Variants in SWAP70 observed in about 807,000 individuals in gnomAD.
SWAP70 encodes switch-associated protein 70.
SWAP70 carries 34 observed loss-of-function variants against 80.2 expected under a neutral mutation model. That is an observed-to-expected ratio of 0.42 (90% CI 0.32 to 0.56). The LOEUF is 0.56. SWAP70 is among the 20% of genes least tolerant of loss of function. The probability of loss-of-function intolerance (pLI) is 0.09; values close to 1 mark genes in which losing one functional copy is unlikely to be tolerated. For synonymous variants in SWAP70, 239 were observed against 238.5 expected (o/e 1.00, Z -0.02); for missense variants, 578 against 690.7 (o/e 0.84, Z 1.83).
chr11:9,701,312 C>T (rs1407167963), intron 2 of SWAP70, among the ~76,000 whole-genome samples: 2 of 151,826 alleles, frequency 1.3e-5, no homozygotes, highest in Admixed American at 6.6e-5. Context: ...GCTGGGATTA[C>T]AGGTGCCTGC....
At chr11:9,725,547 ATATATATATATATATATATATAT>A (rs1400251999) in intron 4 of SWAP70, among the ~76,000 whole-genome samples, 52 of 10,066 alleles carry the variant, frequency 5.2e-3, no homozygotes, top group African/African-American at 0.013. Flanking sequence ...ATATATATAT[ATATATATATATATATATATATAT>A]TTTTTTTTTT....
intron 6 of SWAP70, 67 bp downstream of exon 6, chr11:9,729,518 A>G: frequency 1.6e-5 from 19 of 1,219,610 alleles, no homozygotes; most frequent in Non-Finnish European, 2.2e-5. Flanking sequence ...TTTTTTTCTG[A>G]GACGGAGTCT....
At chr11:9,710,654 T>C (rs2134471253) in intron 2 of SWAP70, among the ~76,000 whole-genome samples, 1 of 151,924 alleles carries the variant, frequency 6.6e-6, no homozygotes, top group Middle Eastern at 3.4e-3. Context: ...TTCCAGGATA[T>C]GGCTTTTTTT....
chr11:9,744,187 C>G (rs1441210951), intron 9 of SWAP70, among the ~76,000 whole-genome samples: 1 of 152,174 alleles, frequency 6.6e-6, no homozygotes, highest in Non-Finnish European at 1.5e-5. Flanking sequence ...TGGTCTTGAT[C>G]TCCTGACCTC....
chr11:9,688,285 TAC>T, intron 1 of SWAP70, among the ~76,000 whole-genome samples: 1 of 152,344 alleles, frequency 6.6e-6, no homozygotes, highest in East Asian at 1.9e-4. Context: ...TTCAGAAATG[TAC>T]AGTCTTACAG....
At position 9,694,367 on chromosome 11, in the gene SWAP70, G is replaced by A. The variant is rs375077229; in HGVS notation, c.240+81G>A. On this transcript the variant is annotated intron_variant, in intron 2 of 11. Transcript: ENST00000318950. Reference sequence around the variant, plus strand: ...GGGCCCAAAAGCCCCCTGTTGGTGAGTTCACTAAGGAGTTGAGGTACAAAG... The same window carrying A: ...GGGCCCAAAAGCCCCCTGTTGGTGAATTCACTAAGGAGTTGAGGTACAAAG... 35 of 1,415,366 alleles carry A rather than the reference G, an allele frequency of 2.5e-5. No homozygotes were observed. In the South Asian group the frequency reaches 2.8e-4, roughly 11 times the overall value. The allele number at this position is 1,415,366 out of a possible 1,614,324, so 87.7% of individuals were successfully genotyped here.
At position 9,710,236 on chromosome 11, in the gene SWAP70, A is replaced by G. The variant is rs577468092; in HGVS notation, c.241-3230A>G. 4.3e-4 allele frequency among the ~76,000 whole-genome samples: 66 copies of G among 152,340 alleles called. 1 individual carries two copies. In the Middle Eastern group the frequency reaches 0.01, roughly 24 times the overall value. On this transcript the variant is annotated intron_variant, in intron 2 of 11. Transcript: ENST00000318950. ...GGGCAATAATTAACCTTATAGGACT[A>G]ATACAAAATTTAAGTGAGAAATAAC...
chr11:9,745,385 A>G (rs378825), intron 9 of SWAP70, among the ~76,000 whole-genome samples: 85,081 of 152,064 alleles, frequency 0.56, 24,080 homozygotes, highest in Middle Eastern at 0.76. Flanking sequence ...AATGTGTGGA[A>G]TGTAAAAATA....
At chr11:9,692,689 CTT>C (rs1328969053) in intron 1 of SWAP70, among the ~76,000 whole-genome samples, 1 of 152,026 alleles carries the variant, frequency 6.6e-6, no homozygotes, top group Non-Finnish European at 1.5e-5. Flanking sequence ...TTATTAAGCT[CTT>C]TATATTCTTG....
At chr11:9,731,351 C>T (rs1290445991) in intron 6 of SWAP70, among the ~76,000 whole-genome samples, 1 of 152,144 alleles carries the variant, frequency 6.6e-6, no homozygotes, top group Non-Finnish European at 1.5e-5. Context: ...TCCTGGGTCT[C>T]TTGGGTTGAG....
chr11:9,749,787 A>G (rs568163048), intron 11 of SWAP70, 77 bp from the exon 12 acceptor site: 219 of 896,764 alleles, frequency 2.4e-4, no homozygotes, highest in Non-Finnish European at 3.8e-4. Flanking sequence ...GGAAGTTACT[A>G]TTTTGTCTGT....
intron 11 of SWAP70, 24 bp downstream of exon 11, chr11:9,749,207 A>T (rs757984018): frequency 8.0e-7 from 1 of 1,247,290 alleles, no homozygotes; most frequent in Non-Finnish European, 1.1e-6. Flanking sequence ...TGAAGTAATC[A>T]TATATTTATT....
intron 9 of SWAP70, among the ~76,000 whole-genome samples, chr11:9,742,796 T>C (rs566635020): frequency 6.6e-6 from 1 of 151,774 alleles, no homozygotes; most frequent in East Asian, 1.9e-4. Context: ...CATCCTGGAG[T>C]TGGGTTGGAA....
intron 1 of SWAP70, among the ~76,000 whole-genome samples, chr11:9,671,880 TAATTTTAA>T (rs1401630345): frequency 1.5e-4 from 13 of 86,956 alleles, no homozygotes; most frequent in African/African-American, 1.0e-3. Flanking sequence ...AATTTAAATA[TAATTTTAA>T]TTTAATTTAA....
chr11:9,721,707 A>C (rs1325601859), intron 3 of SWAP70, among the ~76,000 whole-genome samples: 1 of 152,074 alleles, frequency 6.6e-6, no homozygotes, highest in African/African-American at 2.4e-5. Context: ...TCCTGGCCCC[A>C]AGTGATGCTC....
chr11:9,729,195 T>C (rs1851263648), intron 5 of SWAP70, 148 bp from the exon 6 acceptor site: 2 of 629,928 alleles, frequency 3.2e-6, no homozygotes, highest in Admixed American at 5.8e-5. Context: ...AGTAATGTGC[T>C]TAGGAAACAG....
chr11:9,690,186 C>G (rs1225761018), intron 1 of SWAP70, among the ~76,000 whole-genome samples: 1 of 152,180 alleles, frequency 6.6e-6, no homozygotes, highest in Non-Finnish European at 1.5e-5. Context: ...CTTGAAAAAG[C>G]ATAAATTGCT....
intron 1 of SWAP70, among the ~76,000 whole-genome samples, chr11:9,689,560 G>T (rs1850670877): frequency 1.3e-5 from 2 of 152,250 alleles, no homozygotes; most frequent in Admixed American, 1.3e-4. Flanking sequence ...GGCATTTGAA[G>T]CGGGATAAAT....
chr11:9,697,522 A>G (rs1850774158), intron 2 of SWAP70, among the ~76,000 whole-genome samples: 1 of 152,098 alleles, frequency 6.6e-6, no homozygotes, highest in Non-Finnish European at 1.5e-5. Context: ...ACCTCAGGTG[A>G]TCCTCCCACC....
Sources: gnomAD v4.1 joint callset for allele counts (sites outside exome capture counted in the v4.1 genomes callset) on GRCh38, gnomAD v4.1.1 for gene constraint, MANE v1.5 for transcripts, NCBI Gene and HGNC (gene_info 2026-07-23, HGNC 2026-07-21) for gene names.